Variants in KCNQ1 observed in about 807,000 individuals in gnomAD.
KCNQ1 encodes the protein potassium voltage-gated channel subfamily KQT member 1.
In KCNQ1, 49 loss-of-function variants were observed where a neutral mutation model predicts 72.4. The ratio of observed to expected loss-of-function variants is 0.68; its 90% CI spans 0.54 to 0.86. The LOEUF is 0.86. Among genes scored for constraint, KCNQ1 ranks in the 40% least tolerant of loss-of-function variants. The pLI is 0.00. For missense variants in KCNQ1, 790 were observed against 945.1 expected (o/e 0.84, Z 2.15); for synonymous variants, 450 against 412.6 (o/e 1.09, Z -1.10).
At chr11:2,689,247 C>T in intron 11 of KCNQ1, 1 of 398,712 alleles carries the variant, frequency 2.5e-6, no homozygotes, top group Non-Finnish European at 4.4e-6. Flanking sequence ...GAAGTCAGCC[C>T]TTGGAGGACG....
chr11:2,585,685 G>T (rs1485962099), intron 8 of KCNQ1, among the ~76,000 whole-genome samples: 1 of 152,226 alleles, frequency 6.6e-6, no homozygotes, highest in African/African-American at 2.4e-5. Flanking sequence ...CCCAAGGGAG[G>T]TAGGACCCAG....
chr11:2,658,080 G>A lies in KCNQ1; in HGVS notation c.1394-3881G>A, dbSNP rs189137. On this transcript the variant is annotated intron_variant, in intron 10 of 15. Coordinates refer to ENST00000155840, the MANE Select transcript of KCNQ1 (RefSeq NM_000218.3). This position sits in a 1 kb window ranked among gnomAD's most constrained non-coding sequence, Gnocchi z 4.9. Reference sequence around the variant, plus strand: ...CCACACTCAAGGTGGGGAAGGGAGGGGTTCAACTCTACCTCCTGCAGGAGA... The same window carrying A: ...CCACACTCAAGGTGGGGAAGGGAGGAGTTCAACTCTACCTCCTGCAGGAGA... The A allele has an allele frequency of 0.11, 45,275 of 398,354 alleles. 2,907 individuals are homozygous for A. The highest frequency in any genetic ancestry group is 0.17 in the African/African-American group (8,142 of 48,642). 24.7% of individuals were successfully genotyped at this position (398,354 alleles called of 1,614,324 possible). A position where few individuals can be genotyped will look rare whatever the true frequency, so the allele number is the denominator to read the frequency against.
In KCNQ1 at chr11:2,445,187, TG is replaced by T; in HGVS notation, c.91del (p.Ala31ProfsTer55). The part of the protein sequence containing the change: ...LPGARRGSAG[L>X]AKKCPFSLEL... ...GGCGCCCGGCGGGGCAGCGCGGGCC[TG>T]GCCAAGAAGTGCCCCTTCTCGCTGG... On this transcript the variant is annotated frameshift_variant, in exon 1 of 16. Transcript: ENST00000155840. LOFTEE classifies it high-confidence loss of function. 8.7e-7 allele frequency: 1 copy of T among 1,145,300 alleles called. No individual in the cohort carries two copies. Among genetic ancestry groups the T allele is most frequent in the South Asian group, 2.9e-5 (1 of 34,798 alleles). The allele number at this position is 1,145,300 out of a possible 1,614,324, so 70.9% of individuals were successfully genotyped here.
intron 1 of KCNQ1, among the ~76,000 whole-genome samples, chr11:2,512,644 G>C (rs757499174): frequency 6.6e-6 from 1 of 152,326 alleles, no homozygotes; most frequent in South Asian, 2.1e-4. Flanking sequence ...AGGGATGTCC[G>C]TGCCTTGGGC....
rs1850177126 is a variant in KCNQ1, at chr11:2,671,164, A to G, written c.1514+9083A>G. 2 of 398,540 alleles carry G rather than the reference A, an allele frequency of 5.0e-6. No homozygotes were observed. The highest frequency in any genetic ancestry group is 8.8e-6 in the Non-Finnish European group (2 of 226,102). The allele number at this position is 398,540 out of a possible 1,614,324, so 24.7% of individuals were successfully genotyped here. A position where few individuals can be genotyped will look rare whatever the true frequency, so the allele number is the denominator to read the frequency against. On this transcript the variant is annotated intron_variant, in intron 11 of 15. Transcript: ENST00000155840. The surrounding 1 kb of genome is among the most constrained non-coding windows in gnomAD (Gnocchi z 4.7). ...GGAGGCCTGAGGTGCCATCTTAGAA[A>G]TAGGGCCTTGTTAGGAGAAAAGGAA... is the stretch of plus-strand genomic sequence containing the variant.
chr11:2,472,041 G>A (rs1281133006), intron 1 of KCNQ1, among the ~76,000 whole-genome samples: 5 of 145,428 alleles, frequency 3.4e-5, no homozygotes, highest in Non-Finnish European at 6.1e-5. Context: ...TGTGTGTATA[G>A]GTATGTATGT....
chr11:2,629,269 C>T (rs1849312647), intron 10 of KCNQ1: 2 of 398,112 alleles, frequency 5.0e-6, no homozygotes, highest in African/African-American at 4.1e-5. Context: ...AGAATTTGTT[C>T]AATGTTTCAT....
chr11:2,721,032 A>C (rs1851193433), intron 11 of KCNQ1, among the ~76,000 whole-genome samples: 1 of 152,120 alleles, frequency 6.6e-6, no homozygotes, highest in South Asian at 2.1e-4. Flanking sequence ...TGCAGCAGCC[A>C]GGCCCCAGAT....
At position 2,592,723 on chromosome 11, in the gene KCNQ1, C is replaced by G. The variant is rs574823389; in HGVS notation, c.1393+3869C>G. ...CATTGTCTGTGCCCAGCCTGGGGAG[C>G]CTGACACTCACAGCCCGGCTGCTGC... On this transcript the variant is annotated intron_variant, in intron 10 of 15. Coordinates refer to ENST00000155840, the MANE Select transcript of KCNQ1 (RefSeq NM_000218.3). This position sits in a 1 kb window ranked among gnomAD's most constrained non-coding sequence, Gnocchi z 5.2. Among the ~76,000 whole-genome samples, 1 of 152,188 alleles carries G rather than the reference C, an allele frequency of 6.6e-6. No individual in the cohort carries two copies. Among genetic ancestry groups the G allele is most frequent in the Non-Finnish European group, 1.5e-5 (1 of 68,032 alleles).
intron 13 of KCNQ1, 60 bp downstream of exon 13, chr11:2,776,114 C>CT: frequency 7.1e-7 from 1 of 1,404,712 alleles, no homozygotes; most frequent in Non-Finnish European, 9.8e-7. Context: ...CCGGCCCCAG[C>CT]TGCATGATCA....
At position 2,725,697 on chromosome 11, in the gene KCNQ1, G is replaced by A. The variant is rs557395929; in HGVS notation, c.1515-43147G>A. Among the ~76,000 whole-genome samples, 3 of 152,212 alleles carry A rather than the reference G, an allele frequency of 2.0e-5. No homozygotes were observed. The highest frequency in any genetic ancestry group is 2.1e-4 in the South Asian group (1 of 4,820). ...GGCCCACAGGCTGTGCACTCCAGCC[G>A]AGGGCAGCCTGGGGAAGGTACGAGA... On this transcript the variant is annotated intron_variant, in intron 11 of 15. Coordinates refer to ENST00000155840, the MANE Select transcript of KCNQ1 (RefSeq NM_000218.3). This position sits in a 1 kb window ranked among gnomAD's most constrained non-coding sequence, Gnocchi z 7.2.
At position 2,463,570 on chromosome 11, in the gene KCNQ1, C is replaced by T. The variant is rs985302958; in HGVS notation, c.386+18086C>T. Among the ~76,000 whole-genome samples, 2 of 152,116 alleles carry T rather than the reference C, an allele frequency of 1.3e-5. No individual in the cohort carries two copies. The highest frequency in any genetic ancestry group is 2.9e-5 in the Non-Finnish European group (2 of 68,006). On this transcript the variant is annotated intron_variant, in intron 1 of 15. Transcript: ENST00000155840. This position sits in a 1 kb window ranked among gnomAD's most constrained non-coding sequence, Gnocchi z 7.0. Reference sequence around the variant, plus strand: ...CAGGCTGCCTGCCACCTCAAAGTCACGCTGCCCTGGGCACCCTGCCTCTTC... The same window carrying T: ...CAGGCTGCCTGCCACCTCAAAGTCATGCTGCCCTGGGCACCCTGCCTCTTC...
chr11:2,671,436 T>TTA lies in KCNQ1; in HGVS notation c.1514+9356_1514+9357dup. On this transcript the variant is annotated intron_variant, in intron 11 of 15. Coordinates refer to ENST00000155840, the MANE Select transcript of KCNQ1 (RefSeq NM_000218.3). This position sits in a 1 kb window ranked among gnomAD's most constrained non-coding sequence, Gnocchi z 4.7. ...ATGTGCACCCAGAGATTCTCCCACT[T>TTA]TAGCAGGCAGAAGAGCAACCCAGCA... 5.0e-6 allele frequency: 2 copies of TTA among 398,586 alleles called. No homozygotes were observed. The allele number at this position is 398,586 out of a possible 1,614,324, so 24.7% of individuals were successfully genotyped here.
Position 2,676,470 on chromosome 11 carries a change from G to A in KCNQ1, c.1514+14389G>A, listed in dbSNP as rs753355144. 13 of 398,556 alleles carry A rather than the reference G, an allele frequency of 3.3e-5. No homozygotes were observed. The highest frequency in any genetic ancestry group is 4.4e-5 in the Admixed American group (1 of 22,722). The allele number at this position is 398,556 out of a possible 1,614,324, so 24.7% of individuals were successfully genotyped here. A position where few individuals can be genotyped will look rare whatever the true frequency, so the allele number is the denominator to read the frequency against. On this transcript the variant is annotated intron_variant, in intron 11 of 15. Coordinates refer to ENST00000155840, the MANE Select transcript of KCNQ1 (RefSeq NM_000218.3). This position sits in a 1 kb window ranked among gnomAD's most constrained non-coding sequence, Gnocchi z 4.2. Reference sequence around the variant, plus strand: ...CACTGTTCTGCTCAGATTGTTAGCTGTAGTCTTTCTGGCATCAGTTCCATT... The same window carrying A: ...CACTGTTCTGCTCAGATTGTTAGCTATAGTCTTTCTGGCATCAGTTCCATT...
chr11:2,655,102 C>A, intron 10 of KCNQ1: 1 of 398,524 alleles, frequency 2.5e-6, no homozygotes, highest in South Asian at 1.3e-4. Flanking sequence ...AAATAAAATT[C>A]AAATCCCCCT....
At chr11:2,804,337 C>T (rs1039579306) in intron 15 of KCNQ1, among the ~76,000 whole-genome samples, 4 of 152,174 alleles carry the variant, frequency 2.6e-5, no homozygotes, top group Non-Finnish European at 4.4e-5. Context: ...CCACTGCCAC[C>T]AAGTCACCCA....
Position 2,479,738 on chromosome 11 carries a change from T to G in KCNQ1, c.386+34254T>G, listed in dbSNP as rs893436779. Among the ~76,000 whole-genome samples, 1 of 152,268 alleles carries G rather than the reference T, an allele frequency of 6.6e-6. No individual in the cohort carries two copies. Among genetic ancestry groups the G allele is most frequent in the Non-Finnish European group, 1.5e-5 (1 of 68,042 alleles). On this transcript the variant is annotated intron_variant, in intron 1 of 15. Transcript: ENST00000155840. This position sits in a 1 kb window ranked among gnomAD's most constrained non-coding sequence, Gnocchi z 4.6. Reference sequence around the variant, plus strand: ...TTAACATTTGGCTTCTTGTTACTTATGCAAATTTCTGCAGGCTGCTTGACT... The same window carrying G: ...TTAACATTTGGCTTCTTGTTACTTAGGCAAATTTCTGCAGGCTGCTTGACT...
chr11:2,697,939 AAC>A (rs1387249819), intron 11 of KCNQ1: 1 of 398,554 alleles, frequency 2.5e-6, no homozygotes, highest in Non-Finnish European at 4.4e-6. Context: ...CATGTTAGGA[AAC>A]ACATTAAAAT....
At position 2,813,662 on chromosome 11, in the gene KCNQ1, T is replaced by A. The variant is rs1321505141; in HGVS notation, c.1795-34105T>A. On this transcript the variant is annotated intron_variant, in intron 15 of 15. Coordinates refer to ENST00000155840, the MANE Select transcript of KCNQ1 (RefSeq NM_000218.3). The surrounding 1 kb of genome is among the most constrained non-coding windows in gnomAD (Gnocchi z 4.4). ...ATCTCGGCTGATCCTGGTCTATTTT[T>A]AGTCGGTGGTGGGCTGTCACTCCGG... is the stretch of plus-strand genomic sequence containing the variant. 1.3e-5 allele frequency among the ~76,000 whole-genome samples: 2 copies of A among 151,990 alleles called. No homozygotes were observed. The highest frequency in any genetic ancestry group is 4.8e-5 in the African/African-American group (2 of 41,388).
Sources: gnomAD v4.1 joint callset for allele counts (sites outside exome capture counted in the v4.1 genomes callset) on GRCh38, gnomAD v4.1.1 for gene constraint, Gnocchi (gnomAD v3.1) non-coding constraint, MANE v1.5 for transcripts, NCBI Gene and HGNC (gene_info 2026-07-23, HGNC 2026-07-21) for gene names.